GRIA2: variants seen among roughly 807,000 people sequenced by gnomAD.
The protein encoded by GRIA2 is glutamate ionotropic receptor AMPA type subunit 2.
A neutral mutation model predicts 97.3 loss-of-function variants in GRIA2; 14 were observed. The observed-to-expected ratio is 0.14, with a 90% CI of 0.10 to 0.23. GRIA2 has a LOEUF of 0.23. GRIA2 is among the 10% of genes least tolerant of loss of function. The pLI is 1.00. For synonymous variants in GRIA2, 412 were observed against 387.8 expected (o/e 1.06, Z -0.73); for missense variants, 558 against 1,069.8 (o/e 0.52, Z 6.67).
chr4:157,325,317 T>G (rs2126915127), intron 6 of GRIA2, among the ~76,000 whole-genome samples: 1 of 152,324 alleles, frequency 6.6e-6, no homozygotes, highest in Non-Finnish European at 1.5e-5. Context: ...TTACAAACTA[T>G]ACAAAAAATA....
chr4:157,274,637 G>A (rs1322191288), intron 2 of GRIA2, among the ~76,000 whole-genome samples: 7 of 151,130 alleles, frequency 4.6e-5, no homozygotes, highest in East Asian at 3.9e-4. Context: ...TTGTCCTTGC[G>A]ATAGTTTGCT....
intron 12 of GRIA2, among the ~76,000 whole-genome samples, chr4:157,343,668 G>A (rs1735645019): frequency 6.6e-6 from 1 of 152,044 alleles, no homozygotes; most frequent in African/African-American, 2.4e-5. Flanking sequence ...AAAGAAGAGT[G>A]TGGGCTCAAA....
At chr4:157,314,853 G>A (rs1205044390) in intron 4 of GRIA2, among the ~76,000 whole-genome samples, 4 of 152,118 alleles carry the variant, frequency 2.6e-5, no homozygotes, top group Non-Finnish European at 5.9e-5. Context: ...AACATTTATT[G>A]AGGCCATGCT....
intron 2 of GRIA2, among the ~76,000 whole-genome samples, chr4:157,256,952 C>T (rs1229375986): frequency 1.3e-5 from 2 of 151,940 alleles, no homozygotes; most frequent in Non-Finnish European, 2.9e-5. Flanking sequence ...GATTAAATTA[C>T]AGGTCATTGT....
intron 2 of GRIA2, among the ~76,000 whole-genome samples, chr4:157,288,627 T>C (rs1732954260): frequency 6.6e-6 from 1 of 151,788 alleles, no homozygotes; most frequent in South Asian, 2.1e-4. Context: ...CTTTATATAA[T>C]CTCTTTCAAA....
chr4:157,326,127 T>C (rs1056529973), intron 6 of GRIA2, among the ~76,000 whole-genome samples: 3 of 152,146 alleles, frequency 2.0e-5, no homozygotes, highest in African/African-American at 7.2e-5. Flanking sequence ...AGCAACTTCC[T>C]ACTTTAGGGC....
chr4:157,264,320 A>G (rs544032506), intron 2 of GRIA2, among the ~76,000 whole-genome samples: 12 of 152,166 alleles, frequency 7.9e-5, no homozygotes, highest in African/African-American at 2.4e-4. Flanking sequence ...TCTCTAGGGG[A>G]TAATTCATTT....
chr4:157,342,381 A>C (rs1735585854), intron 12 of GRIA2: 1 of 985,014 alleles, frequency 1.0e-6, no homozygotes, highest in Non-Finnish European at 1.2e-6. Flanking sequence ...TATGGGAGAA[A>C]GGGTTCTGGG....
At chr4:157,273,515 G>A (rs768959823) in intron 2 of GRIA2, among the ~76,000 whole-genome samples, 50 of 151,978 alleles carry the variant, frequency 3.3e-4, no homozygotes, top group Non-Finnish European at 5.6e-4. Context: ...GATGTATAAC[G>A]TAAGCATAGA....
intron 2 of GRIA2, chr4:157,249,908 T>A (rs561334156): frequency 6.6e-6 from 1 of 152,216 alleles, no homozygotes; most frequent in South Asian, 2.1e-4. Flanking sequence ...GGTTTATGAG[T>A]CTTGCAATCA....
intron 1 of GRIA2, 25 bp from the exon 2 acceptor site, chr4:157,221,642 C>T (rs367685825): frequency 1.2e-6 from 2 of 1,612,790 alleles, no homozygotes; most frequent in African/African-American, 2.7e-5. Context: ...ACACTGTTCT[C>T]TTGCTTGCTG....
At chr4:157,358,313 A>G (rs1290490684) in intron 12 of GRIA2, among the ~76,000 whole-genome samples, 5 of 152,310 alleles carry the variant, frequency 3.3e-5, no homozygotes, top group Admixed American at 6.5e-5. Flanking sequence ...GCTAATTAGA[A>G]TACATTTATT....
Position 157,221,584 on chromosome 4 carries a change from G to A in GRIA2, c.89-83G>A, listed in dbSNP as rs1729495490. On this transcript the variant is annotated intron_variant, in intron 1 of 15. Coordinates refer to ENST00000264426, the MANE Select transcript of GRIA2 (RefSeq NM_001083619.3). Reference sequence around the variant, plus strand: ...TATTCGCGTGAATAAGAGACTCTTGGATTTTTGGGCGCTAGCGCGCGCCCC... The same window carrying A: ...TATTCGCGTGAATAAGAGACTCTTGAATTTTTGGGCGCTAGCGCGCGCCCC... The A allele has an allele frequency of 5.6e-6, 8 of 1,430,994 alleles. No individual in the cohort carries two copies. The South Asian group carries it at 1.0e-4, about 18-fold the overall frequency. 88.6% of individuals were successfully genotyped at this position (1,430,994 alleles called of 1,614,324 possible).
chr4:157,270,039 G>C (rs1398215355), intron 2 of GRIA2, among the ~76,000 whole-genome samples: 1 of 151,970 alleles, frequency 6.6e-6, no homozygotes, highest in Non-Finnish European at 1.5e-5. Flanking sequence ...TTCTTAAGAG[G>C]CTCTATTTAA....
intron 1 of GRIA2, 122 bp from the exon 2 acceptor site, chr4:157,221,545 G>A: frequency 1.0e-6 from 1 of 972,522 alleles, no homozygotes; most frequent in Non-Finnish European, 1.6e-6. Flanking sequence ...GTCCGTAGGT[G>A]TGTTTATTCG....
chr4:157,255,285 T>C (rs533439773), intron 2 of GRIA2, among the ~76,000 whole-genome samples: 13 of 152,096 alleles, frequency 8.5e-5, no homozygotes, highest in African/African-American at 3.1e-4. Flanking sequence ...ACACACCATA[T>C]TGTCTTCATC....
chr4:157,325,912 T>C (rs1450298970), intron 6 of GRIA2, among the ~76,000 whole-genome samples: 1 of 152,166 alleles, frequency 6.6e-6, no homozygotes, highest in East Asian at 1.9e-4. Context: ...TCCATCCTTG[T>C]GGTCCTTTTA....
chr4:157,249,352 T>G (rs1362028197), intron 2 of GRIA2: 1 of 152,178 alleles, frequency 6.6e-6, no homozygotes, highest in African/African-American at 2.4e-5. Flanking sequence ...TTATGCACTG[T>G]GAACCCTTTC....
At chr4:157,290,532 A>G (rs1039009430) in intron 2 of GRIA2, among the ~76,000 whole-genome samples, 4 of 150,644 alleles carry the variant, frequency 2.7e-5, no homozygotes, top group African/African-American at 9.7e-5. Flanking sequence ...AGATTACCCT[A>G]GAAGGAACTA....
Sources: gnomAD v4.1 joint callset for allele counts (sites outside exome capture counted in the v4.1 genomes callset) on GRCh38, gnomAD v4.1.1 for gene constraint, MANE v1.5 for transcripts, NCBI Gene and HGNC (gene_info 2026-07-23, HGNC 2026-07-21) for gene names.